FGF14: variants seen among roughly 807,000 people sequenced by gnomAD.
The protein encoded by FGF14 is fibroblast growth factor 14.
A neutral mutation model predicts 25.5 loss-of-function variants in FGF14; 5 were observed. That is an observed-to-expected ratio of 0.20 (90% CI 0.10 to 0.41). FGF14 has a LOEUF of 0.41. FGF14 is among the 10% of genes least tolerant of loss of function. FGF14 has a pLI of 1.00. For synonymous variants in FGF14, 138 were observed against 118.3 expected, an observed-to-expected ratio of 1.17 and a Z score of -1.08; for missense variants, 222 against 320.1, an observed-to-expected ratio of 0.69 and a Z score of 2.34.
At chr13:101,939,553 G>A (rs1342107516) in intron 1 of FGF14, among the ~76,000 whole-genome samples, 2 of 152,202 alleles carry the variant, frequency 1.3e-5, no homozygotes, top group Non-Finnish European at 2.9e-5. Context: ...AAGCCCCAGG[G>A]TGTTGGGTTA....
In FGF14 at chr13:101,714,175, T is replaced by C. The variant is rs1409372764; in HGVS notation, c.*8656A>G. ...AAGAATCAACCCCATCCTGCTCTCATTGACATTTCAACCAGACTGGGCCAT... is the reference window on the plus strand; with the variant it reads ...AAGAATCAACCCCATCCTGCTCTCACTGACATTTCAACCAGACTGGGCCAT... On this transcript the variant is annotated 3_prime_UTR_variant, in exon 5 of 5. Transcript: ENST00000376143. 1 of 418,348 alleles carries C rather than the reference T, an allele frequency of 2.4e-6. No homozygotes were observed. The highest frequency in any genetic ancestry group is 3.9e-5 in the Admixed American group (1 of 25,738). 25.9% of individuals were successfully genotyped at this position (418,348 alleles called of 1,614,324 possible). A position where few individuals can be genotyped will look rare whatever the true frequency, so the allele number is the denominator to read the frequency against.
At chr13:102,373,906 A>G (rs2057959848) in intron 1 of FGF14, among the ~76,000 whole-genome samples, 1 of 152,114 alleles carries the variant, frequency 6.6e-6, no homozygotes, top group South Asian at 2.1e-4. Flanking sequence ...CACCCCTGGA[A>G]ATTCTCATAT....
chr13:102,115,063 G>A (rs903253000), intron 1 of FGF14, among the ~76,000 whole-genome samples: 2 of 152,184 alleles, frequency 1.3e-5, no homozygotes, highest in Non-Finnish European at 2.9e-5. Context: ...GATAATATTT[G>A]AGAAATGAGA....
chr13:102,099,773 T>C (rs950613876), intron 1 of FGF14, among the ~76,000 whole-genome samples: 1 of 152,066 alleles, frequency 6.6e-6, no homozygotes, highest in Non-Finnish European at 1.5e-5. Flanking sequence ...AGTATTTATT[T>C]AATAAAATTC....
chr13:102,219,201 A>C (rs115915231), intron 1 of FGF14, among the ~76,000 whole-genome samples: 465 of 152,302 alleles, frequency 3.1e-3, no homozygotes, highest in African/African-American at 6.4e-3. Flanking sequence ...CTCTTGCTTC[A>C]AAGCAGCTAC....
At chr13:102,110,248 G>GT (rs993532680) in intron 1 of FGF14, among the ~76,000 whole-genome samples, 3 of 152,120 alleles carry the variant, frequency 2.0e-5, no homozygotes, top group South Asian at 4.1e-4. Flanking sequence ...AGAAAGCAGT[G>GT]TTTTTTTCCC....
intron 1 of FGF14, among the ~76,000 whole-genome samples, chr13:102,393,397 A>T (rs573377578): frequency 1.3e-5 from 2 of 152,304 alleles, no homozygotes; most frequent in East Asian, 3.9e-4. Context: ...GTTACTGAAA[A>T]AGTGATAAAA....
intron 1 of FGF14, among the ~76,000 whole-genome samples, chr13:102,193,037 G>A (rs77217506): frequency 0.013 from 1,933 of 152,098 alleles, 32 homozygotes; most frequent in African/African-American, 0.035. Context: ...AGCCACTTAC[G>A]CATGTTTAGG....
At position 101,857,616 on chromosome 13, in the gene FGF14, C is replaced by T. The variant is rs566097535; in HGVS notation, c.408+11109G>A. 3.9e-5 allele frequency among the ~76,000 whole-genome samples: 6 copies of T among 152,092 alleles called. No individual in the cohort carries two copies. In the East Asian group the frequency reaches 1.2e-3, roughly 29 times the overall value. ...ATAGCACAGAGCACAATATGTCTTT[C>T]CATAATGTAGTGAAGTCAAACTTAA... is the stretch of plus-strand genomic sequence containing the variant. On this transcript the variant is annotated intron_variant, in intron 3 of 4. Coordinates refer to ENST00000376143, the MANE Select transcript of FGF14 (RefSeq NM_004115.4).
chr13:102,260,045 C>A (rs1353517454), intron 1 of FGF14, among the ~76,000 whole-genome samples: 1 of 151,996 alleles, frequency 6.6e-6, no homozygotes, highest in East Asian at 1.9e-4. Flanking sequence ...ACTAGCGAAG[C>A]CCTTGATCTT....
chr13:102,030,866 C>T (rs1242106989), intron 1 of FGF14, among the ~76,000 whole-genome samples: 3 of 151,930 alleles, frequency 2.0e-5, no homozygotes, highest in Non-Finnish European at 2.9e-5. Context: ...ATGGTGTAAG[C>T]GAATACTCGG....
chr13:102,286,973 T>TA (rs143895272), intron 1 of FGF14, among the ~76,000 whole-genome samples: 1,856 of 149,962 alleles, frequency 0.012, 36 homozygotes, highest in African/African-American at 0.042. Context: ...TGAGCTTTAA[T>TA]AGTCATGGGG....
chr13:101,763,313 T>C (rs1428173632), intron 3 of FGF14, among the ~76,000 whole-genome samples: 1 of 152,208 alleles, frequency 6.6e-6, no homozygotes, highest in East Asian at 1.9e-4. Flanking sequence ...GTAGCACTGA[T>C]TGGCATAAGA....
At chr13:101,779,707 A>G (rs113918944) in intron 3 of FGF14, among the ~76,000 whole-genome samples, 1 of 152,210 alleles carries the variant, frequency 6.6e-6, no homozygotes, top group African/African-American at 2.4e-5. Context: ...TGCACTGAAC[A>G]CTATCATTAT....
chr13:102,151,714 C>T lies in FGF14; in HGVS notation c.208+249757G>A, dbSNP rs375630273. 4.6e-5 allele frequency among the ~76,000 whole-genome samples: 7 copies of T among 152,196 alleles called. No homozygotes were observed. In the South Asian group the frequency reaches 1.5e-3, roughly 32 times the overall value. On this transcript the variant is annotated intron_variant, in intron 1 of 4. Coordinates refer to the FGF14 transcript ENST00000376131. ...ACGGGATTTCACCATGTGGGCAAGG[C>T]TGGTCTCGAACTGCTGAGCTCAGGT...
intron 1 of FGF14, among the ~76,000 whole-genome samples, chr13:102,049,898 A>T (rs893586879): frequency 6.6e-6 from 1 of 152,162 alleles, no homozygotes; most frequent in African/African-American, 2.4e-5. Context: ...ATTTCATATG[A>T]CTGAAAGGTA....
chr13:102,292,562 T>A (rs1330753300), intron 1 of FGF14: 2 of 152,192 alleles, frequency 1.3e-5, no homozygotes, highest in Non-Finnish European at 2.9e-5. Flanking sequence ...TAAGTATGAA[T>A]TCTTAGCTTT....
chr13:101,918,501 G>C (rs1415607607), upstream of FGF14, among the ~76,000 whole-genome samples: 2 of 152,200 alleles, frequency 1.3e-5, no homozygotes, highest in African/African-American at 2.4e-5. Context: ...GAGCTGGAAA[G>C]AGGGCAAGCA....
chr13:102,070,975 A>G (rs1356347538), intron 1 of FGF14, among the ~76,000 whole-genome samples: 1 of 152,030 alleles, frequency 6.6e-6, no homozygotes, highest in Non-Finnish European at 1.5e-5. Context: ...ACACACACAC[A>G]CACACATAAA....
Sources: gnomAD v4.1 joint callset for allele counts (sites outside exome capture counted in the v4.1 genomes callset) on GRCh38, gnomAD v4.1.1 for gene constraint, MANE v1.5 for transcripts, NCBI Gene and HGNC (gene_info 2026-07-23, HGNC 2026-07-21) for gene names.